The following ADORA1 variants were observed in gnomAD, a reference collection of about 807,000 sequenced individuals.
ADORA1 encodes adenosine receptor A1.
A neutral mutation model predicts 19.9 loss-of-function variants in ADORA1; 6 were observed. That is an observed-to-expected ratio of 0.30 (90% CI 0.17 to 0.59). ADORA1 has a LOEUF of 0.59. ADORA1 is among the 20% of genes least tolerant of loss of function. The pLI is 0.87. For synonymous variants in ADORA1, 194 were observed against 188.4 expected, an observed-to-expected ratio of 1.03 and a Z score of -0.24; for missense variants, 302 against 439.2, an observed-to-expected ratio of 0.69 and a Z score of 2.79.
At chr1:203,148,513 C>A (rs182837765) in intron 3 of ADORA1, among the ~76,000 whole-genome samples, 1 of 152,212 alleles carries the variant, frequency 6.6e-6, no homozygotes, top group South Asian at 2.1e-4. Flanking sequence ...CAATCCAGGT[C>A]CTCTAATGCT....
Position 203,127,808 on chromosome 1 carries a change from G to A in ADORA1, c.-333G>A, listed in dbSNP as rs1396666165. 2 of 152,586 alleles carry A rather than the reference G, an allele frequency of 1.3e-5. No homozygotes were observed. The highest frequency in any genetic ancestry group is 6.5e-5 in the Admixed American group (1 of 15,304). The allele number at this position is 152,586 out of a possible 1,614,324, so 9.5% of individuals were successfully genotyped here. On this transcript the variant is annotated 5_prime_UTR_variant, in exon 1 of 4. Transcript: ENST00000337894. ...AGCTACCATCCCTCTGGAGCTTACCGGCCGGCCTTGGCTTCCCCAGGAATC... is the reference window on the plus strand; with the variant it reads ...AGCTACCATCCCTCTGGAGCTTACCAGCCGGCCTTGGCTTCCCCAGGAATC...
At chr1:203,140,814 C>T (rs1654657727) in intron 3 of ADORA1, among the ~76,000 whole-genome samples, 2 of 152,178 alleles carry the variant, frequency 1.3e-5, no homozygotes, top group Non-Finnish European at 2.9e-5. Context: ...TAGGCTCTTT[C>T]AGAATGTGGC....
rs201939530 is a variant in ADORA1, at chr1:203,128,934, C to G, written c.93C>G (p.Ile31Met). The G allele has an allele frequency of 1.1e-5, 17 of 1,614,074 alleles. No individual in the cohort carries two copies. Among genetic ancestry groups the G allele is most frequent in the Non-Finnish European group, 1.4e-5 (17 of 1,180,044 alleles). The stretch of plus-strand genomic sequence containing the variant: ...CTGTGCCCGGGAACGTGCTGGTGAT[C>G]TGGGCGGTGAAGGTGAACCAGGCGC... ...LVSVPGNVLVIWAVKVNQALR... is the reference protein window; with the variant it reads ...LVSVPGNVLVMWAVKVNQALR... The change falls in exon 3 of 4, where the codon ATC (isoleucine) becomes ATG (methionine). Residue 31 changes from isoleucine (I) to methionine (M), a missense_variant. Ile to Met is a conservative substitution (Grantham distance 10). Transcript: ENST00000337894. The surrounding 1 kb of genome is among the most constrained non-coding windows in gnomAD (Gnocchi z 5.9).
rs529856113 is a variant in ADORA1, at chr1:203,152,132, A to G, written c.342-13129A>G. Among the ~76,000 whole-genome samples, 26 of 152,322 alleles carry G rather than the reference A, an allele frequency of 1.7e-4. No individual in the cohort carries two copies. The South Asian group carries it at 5.4e-3, about 32-fold the overall frequency. Reference sequence around the variant, plus strand: ...CATTCAATCCCTCATCATCCAGACAAGGACACAGAGGCCCCAAAAGGGAAA... The same window carrying G: ...CATTCAATCCCTCATCATCCAGACAGGGACACAGAGGCCCCAAAAGGGAAA... On this transcript the variant is annotated intron_variant, in intron 3 of 3. Transcript: ENST00000337894.
At chr1:203,160,047 A>G (rs1015679820) in intron 3 of ADORA1, among the ~76,000 whole-genome samples, 2 of 152,216 alleles carry the variant, frequency 1.3e-5, no homozygotes, top group African/African-American at 4.8e-5. Flanking sequence ...CCAAGCTTCC[A>G]TCCCCCAATC....
At position 203,128,747 on chromosome 1, in the gene ADORA1, G is replaced by C; in HGVS notation, c.-57-38G>C. The C allele has an allele frequency of 2.0e-6, 3 of 1,510,904 alleles. No individual in the cohort carries two copies. Among genetic ancestry groups the C allele is most frequent in the Non-Finnish European group, 2.6e-6 (3 of 1,137,584 alleles). 93.6% of individuals were successfully genotyped at this position (1,510,904 alleles called of 1,614,324 possible). ...CAGCCTGAGCTCCCTGCCCCTCCCA[G>C]ACGGGTCTCCCCATCCCAGGCTTCC... On this transcript the variant is annotated intron_variant, in intron 2 of 3. Transcript: ENST00000337894. The surrounding 1 kb of genome is among the most constrained non-coding windows in gnomAD (Gnocchi z 5.9).
chr1:203,161,572 ATT>A (rs34898677), intron 3 of ADORA1, among the ~76,000 whole-genome samples: 45 of 136,578 alleles, frequency 3.3e-4, no homozygotes, highest in Non-Finnish European at 3.3e-4. Context: ...CCTCAGGGCT[ATT>A]TTTTTTTTTT....
At chr1:203,138,991 G>A (rs1471873514) in intron 3 of ADORA1, among the ~76,000 whole-genome samples, 2 of 152,072 alleles carry the variant, frequency 1.3e-5, no homozygotes, top group African/African-American at 4.8e-5. Context: ...GCTAATATTT[G>A]TATTTTTAGT....
At chr1:203,144,307 C>T (rs542982047) in intron 3 of ADORA1, among the ~76,000 whole-genome samples, 43 of 152,132 alleles carry the variant, frequency 2.8e-4, no homozygotes, top group Non-Finnish European at 6.0e-4. Context: ...CAAGCCTATT[C>T]ATCTCTATAT....
At chr1:203,136,155 C>T (rs1027543834) in intron 3 of ADORA1, among the ~76,000 whole-genome samples, 1 of 152,176 alleles carries the variant, frequency 6.6e-6, no homozygotes, top group Non-Finnish European at 1.5e-5. Context: ...TTAACCTCAG[C>T]CTTCTTAATT....
chr1:203,162,546 T>C (rs1439996479), intron 3 of ADORA1, among the ~76,000 whole-genome samples: 1 of 152,196 alleles, frequency 6.6e-6, no homozygotes, highest in South Asian at 2.1e-4. Context: ...GCACCAGAGG[T>C]CACCTACCCC....
At chr1:203,157,994 C>G (rs1655249368) in intron 3 of ADORA1, among the ~76,000 whole-genome samples, 1 of 152,186 alleles carries the variant, frequency 6.6e-6, no homozygotes. Flanking sequence ...ATGAATAGAA[C>G]CTGGCTTCCT....
intron 3 of ADORA1, chr1:203,150,768 A>C: frequency 7.0e-6 from 9 of 1,289,770 alleles, no homozygotes; most frequent in Non-Finnish European, 8.1e-6. Flanking sequence ...TTCTTTGGAA[A>C]GATTTCCAAG....
chr1:203,164,669 G>T (rs1290811240), intron 3 of ADORA1, among the ~76,000 whole-genome samples: 1 of 152,154 alleles, frequency 6.6e-6, no homozygotes, highest in Non-Finnish European at 1.5e-5. Context: ...GGGAAGGGGG[G>T]TTGTGTGAAA....
chr1:203,162,990 A>G (rs984901096), intron 3 of ADORA1, among the ~76,000 whole-genome samples: 1 of 152,222 alleles, frequency 6.6e-6, no homozygotes, highest in African/African-American at 2.4e-5. Context: ...AGCATCCCTC[A>G]GCCTTCAGAA....
At chr1:203,144,121 C>CACACAG (rs1395290337) in intron 3 of ADORA1, among the ~76,000 whole-genome samples, 2 of 147,526 alleles carry the variant, frequency 1.4e-5, no homozygotes, top group African/African-American at 4.9e-5. Context: ...CACACACACA[C>CACACAG]AGCTGTTCCT....
At chr1:203,130,326 T>A (rs542234598) in intron 3 of ADORA1, among the ~76,000 whole-genome samples, 1 of 152,332 alleles carries the variant, frequency 6.6e-6, no homozygotes, top group Non-Finnish European at 1.5e-5. Context: ...CACGCCGCTG[T>A]AAGGGAGGTG....
chr1:203,134,259 C>T (rs1383956586), intron 3 of ADORA1, among the ~76,000 whole-genome samples: 1 of 152,164 alleles, frequency 6.6e-6, no homozygotes, highest in Admixed American at 6.5e-5. Context: ...AGCAGAAGAG[C>T]TCTTTGCAGT....
At chr1:203,134,999 A>AG (rs1411351893) in intron 3 of ADORA1, among the ~76,000 whole-genome samples, 1 of 152,146 alleles carries the variant, frequency 6.6e-6, no homozygotes, top group Admixed American at 6.5e-5. Flanking sequence ...GGCTCTCCTT[A>AG]GGGGGGCCTT....
Sources: allele counts gnomAD v4.1 joint callset (sites outside exome capture counted in the v4.1 genomes callset), GRCh38; gene constraint gnomAD v4.1.1; non-coding constraint Gnocchi (gnomAD v3.1); transcripts MANE v1.5; gene names NCBI Gene and HGNC (gene_info 2026-07-23, HGNC 2026-07-21).